The following OPCML variants were observed in gnomAD, a reference collection of about 807,000 sequenced individuals.
The protein encoded by OPCML is opioid-binding protein/cell adhesion molecule.
A neutral mutation model predicts 37.8 loss-of-function variants in OPCML; 13 were observed. That is an observed-to-expected ratio of 0.34 (90% CI 0.22 to 0.55). The LOEUF is 0.55. Among genes scored for constraint, OPCML ranks in the 20% least tolerant of loss-of-function variants. The pLI, the probability that OPCML is intolerant of heterozygous loss-of-function variation, is 0.91. For synonymous variants in OPCML, 176 were observed against 168.8 expected, an observed-to-expected ratio of 1.04 and a Z score of -0.33; for missense variants, 341 against 435.6, an observed-to-expected ratio of 0.78 and a Z score of 1.93.
intron 2 of OPCML, among the ~76,000 whole-genome samples, chr11:132,668,571 A>G (rs574703180): frequency 6.6e-6 from 1 of 152,308 alleles, no homozygotes; most frequent in South Asian, 2.1e-4. Context: ...CTCTATTAGT[A>G]CGAGCACTGT....
chr11:132,868,073 T>G (rs990628449), intron 2 of OPCML, among the ~76,000 whole-genome samples: 5 of 152,148 alleles, frequency 3.3e-5, no homozygotes, highest in Non-Finnish European at 5.9e-5. Flanking sequence ...GTAAAGTGCT[T>G]TGCTAGCACT....
At chr11:132,441,236 C>G (rs1222820090) in intron 4 of OPCML, among the ~76,000 whole-genome samples, 1 of 127,340 alleles carries the variant, frequency 7.9e-6, no homozygotes, top group Non-Finnish European at 1.6e-5. Flanking sequence ...GGCGGGATCT[C>G]GGCTCACTGC....
At chr11:133,083,029 C>T (rs1401835825) in intron 1 of OPCML, among the ~76,000 whole-genome samples, 1 of 150,374 alleles carries the variant, frequency 6.7e-6, no homozygotes, top group Admixed American at 6.6e-5. Context: ...ACGCCCCAGC[C>T]GAGCCCAGCC....
intron 1 of OPCML, among the ~76,000 whole-genome samples, chr11:133,082,844 G>C (rs1591985301): frequency 6.7e-6 from 1 of 149,556 alleles, no homozygotes; most frequent in Non-Finnish European, 1.5e-5. Context: ...TCGCCAGCCT[G>C]CAGGGTGCCG....
chr11:133,488,198 T>G (rs897386475), intron 1 of OPCML, among the ~76,000 whole-genome samples: 5 of 151,956 alleles, frequency 3.3e-5, no homozygotes, highest in African/African-American at 1.2e-4. Flanking sequence ...CTCTAAGAAA[T>G]GGAACAAGAC....
intron 1 of OPCML, among the ~76,000 whole-genome samples, chr11:133,431,216 C>A (rs1015431557): frequency 1.3e-5 from 2 of 152,024 alleles, no homozygotes; most frequent in Non-Finnish European, 2.9e-5. Flanking sequence ...TAAAATCATT[C>A]GCTAAATCCT....
intron 1 of OPCML, among the ~76,000 whole-genome samples, chr11:133,291,855 G>T (rs1235454843): frequency 2.0e-5 from 3 of 152,174 alleles, no homozygotes; most frequent in Admixed American, 1.3e-4. Context: ...CCACACACAT[G>T]CACACACACC....
chr11:133,002,424 CTG>C (rs757100460), intron 1 of OPCML, among the ~76,000 whole-genome samples: 44 of 152,172 alleles, frequency 2.9e-4, no homozygotes, highest in Admixed American at 1.4e-3. Context: ...TCATAAAGAT[CTG>C]TGTTTGAATC....
chr11:133,138,521 CCTCTCAAAATCA>C (rs1436595865), intron 1 of OPCML, among the ~76,000 whole-genome samples: 11 of 152,176 alleles, frequency 7.2e-5, no homozygotes, highest in Non-Finnish European at 1.0e-4. Flanking sequence ...AATTTCCTAA[CCTCTCAAAATCA>C]AGTTTCTTCA....
intron 1 of OPCML, among the ~76,000 whole-genome samples, chr11:133,409,851 G>A (rs942600880): frequency 6.6e-6 from 1 of 152,054 alleles, no homozygotes; most frequent in Non-Finnish European, 1.5e-5. Context: ...CAGTCCAGTC[G>A]GGGAGAGAGA....
At chr11:133,511,145 C>T (rs1293911633) in intron 1 of OPCML, among the ~76,000 whole-genome samples, 1 of 152,176 alleles carries the variant, frequency 6.6e-6, no homozygotes, top group African/African-American at 2.4e-5. Context: ...TCCCGGTGGC[C>T]CTGCCTTCAG....
intron 1 of OPCML, among the ~76,000 whole-genome samples, chr11:133,101,182 C>G (rs1949080371): frequency 6.6e-6 from 1 of 152,164 alleles, no homozygotes; most frequent in African/African-American, 2.4e-5. Flanking sequence ...TTCAGCCTCC[C>G]AAAGTGCTAG....
At chr11:132,782,917 G>GTGTGTGTA (rs376141259) in intron 2 of OPCML, among the ~76,000 whole-genome samples, 1 of 125,088 alleles carries the variant, frequency 8.0e-6, no homozygotes, top group African/African-American at 2.9e-5. Flanking sequence ...TATAGTGTGT[G>GTGTGTGTA]TATATATATA....
chr11:132,432,491 G>C (rs1019050195), intron 7 of OPCML, among the ~76,000 whole-genome samples: 8 of 152,132 alleles, frequency 5.3e-5, no homozygotes, highest in African/African-American at 1.7e-4. Flanking sequence ...AAATATAAAA[G>C]ACCCACTGAG....
At chr11:133,019,661 A>T (rs1225220795) in intron 1 of OPCML, among the ~76,000 whole-genome samples, 1 of 152,120 alleles carries the variant, frequency 6.6e-6, no homozygotes, top group Non-Finnish European at 1.5e-5. Context: ...ATCTTCATCA[A>T]CCCACGGTGT....
chr11:132,833,865 G>A (rs143878767), intron 2 of OPCML, among the ~76,000 whole-genome samples: 1 of 152,296 alleles, frequency 6.6e-6, no homozygotes, highest in Non-Finnish European at 1.5e-5. Flanking sequence ...AGAGCATTTA[G>A]GATGGAACTA....
At chr11:133,364,485 G>C (rs2136730622) in intron 1 of OPCML, among the ~76,000 whole-genome samples, 1 of 152,284 alleles carries the variant, frequency 6.6e-6, no homozygotes, top group Middle Eastern at 3.4e-3. Context: ...CAGGTCAGTG[G>C]AAAGCAAACA....
At chr11:132,900,693 T>A (rs1019234014) in intron 2 of OPCML, among the ~76,000 whole-genome samples, 1 of 152,184 alleles carries the variant, frequency 6.6e-6, no homozygotes, top group Non-Finnish European at 1.5e-5. Context: ...CCCTATGGGC[T>A]CTGCACATTC....
At chr11:132,987,559 T>C (rs1946702755) in intron 1 of OPCML, among the ~76,000 whole-genome samples, 1 of 152,140 alleles carries the variant, frequency 6.6e-6, no homozygotes, top group African/African-American at 2.4e-5. Flanking sequence ...GGCTCATAGC[T>C]GGGCTAGGGT....
Sources: allele counts gnomAD v4.1 joint callset (sites outside exome capture counted in the v4.1 genomes callset), GRCh38; gene constraint gnomAD v4.1.1; transcripts MANE v1.5; gene names NCBI Gene and HGNC (gene_info 2026-07-23, HGNC 2026-07-21).